SH2B1: variants seen among roughly 807,000 people sequenced by gnomAD.
SH2B1 encodes SH2B adapter protein 1.
SH2B1 carries 15 observed loss-of-function variants against 62.6 expected under a neutral mutation model. The ratio of observed to expected loss-of-function variants is 0.24; its 90% CI spans 0.16 to 0.37. The LOEUF is 0.37. Among genes scored for constraint, SH2B1 ranks in the 10% least tolerant of loss-of-function variants. The probability of loss-of-function intolerance (pLI) is 1.00; values close to 1 mark genes in which losing one functional copy is unlikely to be tolerated. For synonymous variants in SH2B1, 443 were observed against 438.0 expected (o/e 1.01, Z -0.14); for missense variants, 925 against 1,015.6 (o/e 0.91, Z 1.21).
At chr16:28,848,425 G>A (rs894523488) in intron 1 of SH2B1, among the ~76,000 whole-genome samples, 1 of 151,824 alleles carries the variant, frequency 6.6e-6, no homozygotes, top group Non-Finnish European at 1.5e-5. Flanking sequence ...GCGACACAGC[G>A]AGACTCCGTC....
chr16:28,867,097 C>T, intron 1 of SH2B1, 64 bp downstream of exon 1: 1 of 1,590,812 alleles, frequency 6.3e-7, no homozygotes, highest in East Asian at 2.2e-5. Context: ...TGGTCACAGC[C>T]CTGCAGATAA....
At chr16:28,862,800 T>G (rs919822416), upstream of SH2B1, 2 of 146,116 alleles carry the variant, frequency 1.4e-5, no homozygotes, top group African/African-American at 5.1e-5. Context: ...GTATTTTTAG[T>G]ACAGACGGGG....
At chr16:28,869,581 C>T (rs909879398) in intron 4 of SH2B1, among the ~76,000 whole-genome samples, 198 bp downstream of exon 4, 3 of 152,160 alleles carry the variant, frequency 2.0e-5, no homozygotes, top group Non-Finnish European at 2.9e-5. Context: ...CATGACCCCA[C>T]GCAGGCCCCA....
chr16:28,853,678 T>C (rs1486784895), intron 1 of SH2B1, among the ~76,000 whole-genome samples: 9 of 151,548 alleles, frequency 5.9e-5, no homozygotes, highest in Admixed American at 5.9e-4. Flanking sequence ...ACATCCATTC[T>C]CCGTGCAGCA....
chr16:28,866,269 G>A lies in SH2B1; in HGVS notation c.175G>A (p.Gly59Arg), dbSNP rs759750417. ...LASHPQYAGP[G>R]AEAAFSRRFA... ...CTCCCACCCCCAATATGCGGGGCCC[G>A]GGGCCGAGGCTGCCTTCTCCCGCCG... Residue 59 changes from glycine (G) to arginine (R), a missense_variant, in exon 1 of 8, where the codon GGG becomes AGG. Gly to Arg is a moderately radical substitution (Grantham distance 125). This residue lies in a region of SH2B1 where 683 missense variants were observed against 704.0 expected (regional missense o/e 0.97). Transcript: ENST00000684370. The surrounding 1 kb of genome is among the most constrained non-coding windows in gnomAD (Gnocchi z 6.3). The A allele has an allele frequency of 1.2e-5, 20 of 1,610,280 alleles. No homozygotes were observed. Among genetic ancestry groups the A allele is most frequent in the East Asian group, 6.7e-5 (3 of 44,836 alleles).
Position 28,872,664 on chromosome 16 carries a change from T to C in SH2B1, c.1856T>C (p.Val619Ala), listed in dbSNP as rs1350736878. ...TTGGAGTCGGGAGGCTCCAGTGATGTTGTCCTTGTCAGCTATGTCCCATCC... is the reference window on the plus strand; with the variant it reads ...TTGGAGTCGGGAGGCTCCAGTGATGCTGTCCTTGTCAGCTATGTCCCATCC... ...IPLESGGSSD[V>A]VLVSYVPSSQ... The change falls in exon 7 of 8, where the codon GTT becomes GCT. Residue 619 changes from valine to alanine, a missense_variant. Val to Ala is a moderately conservative substitution (Grantham distance 64, BLOSUM62 0). Around this residue, in one of 3 missense-constraint regions of SH2B1, gnomAD observed 185 missense variants for 189.5 expected, o/e 0.98. Transcript: ENST00000684370. The surrounding 1 kb of genome is among the most constrained non-coding windows in gnomAD (Gnocchi z 5.3). 6.2e-7 allele frequency: 1 copy of C among 1,614,110 alleles called. No homozygotes were observed. Among genetic ancestry groups the C allele is most frequent in the Non-Finnish European group, 8.5e-7 (1 of 1,179,996 alleles).
chr16:28,873,167 C>T lies in SH2B1; in HGVS notation c.1898-280C>T, dbSNP rs1331598113. 6.4e-7 allele frequency: 1 copy of T among 1,558,848 alleles called. No individual in the cohort carries two copies. ...TCTGTCCCCACGTTGCCCCTCCCCC[C>T]AGGCCGGGAGCAGGCTGGGAGCCAT... On this transcript the variant is annotated intron_variant, in intron 7 of 7. Transcript: ENST00000684370. The surrounding 1 kb of genome is among the most constrained non-coding windows in gnomAD (Gnocchi z 4.2).
At position 28,864,443 on chromosome 16, in the gene SH2B1, G is replaced by A. The variant is rs1962575499; in HGVS notation, c.-1652G>A. ...GCTGGAGATTGGTTTGCACTTCTTG[G>A]CTGGGTTCCCCCGTGCTCCATGACT... On this transcript the variant is annotated 5_prime_UTR_variant, in exon 1 of 8. Transcript: ENST00000684370. 1.0e-6 allele frequency: 1 copy of A among 986,674 alleles called. No individual in the cohort carries two copies. Among genetic ancestry groups the A allele is most frequent in the Non-Finnish European group, 1.2e-6 (1 of 830,648 alleles). The allele number at this position is 986,674 out of a possible 1,614,324, so 61.1% of individuals were successfully genotyped here. A position where few individuals can be genotyped will look rare whatever the true frequency, so the allele number is the denominator to read the frequency against.
intron 1 of SH2B1, among the ~76,000 whole-genome samples, chr16:28,850,140 G>A (rs1377085900): frequency 1.3e-5 from 2 of 152,200 alleles, no homozygotes; most frequent in Non-Finnish European, 2.9e-5. Context: ...GCTGGCTTAA[G>A]CAGAGGAGGG....
chr16:28,863,546 G>T, upstream of SH2B1: 2 of 833,268 alleles, frequency 2.4e-6, no homozygotes, highest in Non-Finnish European at 1.8e-6. Context: ...CGGGCCCTGG[G>T]ACTCTATCCC....
At position 28,873,823 on chromosome 16, in the gene SH2B1, C is replaced by T; in HGVS notation, c.*3C>T. 7.0e-7 allele frequency: 1 copy of T among 1,430,290 alleles called. No individual in the cohort carries two copies. The highest frequency in any genetic ancestry group is 9.1e-7 in the Non-Finnish European group (1 of 1,093,906). The allele number at this position is 1,430,290 out of a possible 1,614,324, so 88.6% of individuals were successfully genotyped here. A position where few individuals can be genotyped will look rare whatever the true frequency, so the allele number is the denominator to read the frequency against. On this transcript the variant is annotated 3_prime_UTR_variant, in exon 8 of 8. Transcript: ENST00000684370. This position sits in a 1 kb window ranked among gnomAD's most constrained non-coding sequence, Gnocchi z 4.2. ...ACAACCAGTACTCCTTCGTGTGAGC[C>T]AACCCCACCCGCTCCACCCTTTTTA...
In SH2B1 at chr16:28,853,025, CAT is replaced by C. The variant is rs1156719021; in HGVS notation, c.-301+6205_-301+6206del. Among the ~76,000 whole-genome samples the C allele has an allele frequency of 7.1e-4, 38 of 53,602 alleles. 3 individuals are homozygous for C. Among genetic ancestry groups the C allele is most frequent in the African/African-American group, 3.1e-3 (33 of 10,738 alleles). 35.2% of individuals were successfully genotyped at this position (53,602 alleles called of 152,430 possible). A position where few individuals can be genotyped will look rare whatever the true frequency, so the allele number is the denominator to read the frequency against. ...ATGTACATATATATTTATATATGTA[CAT>C]ATATATGTACATATATATTTATATA... On this transcript the variant is annotated intron_variant, in intron 1 of 10. Coordinates refer to the SH2B1 transcript ENST00000322610.
intron 1 of SH2B1, among the ~76,000 whole-genome samples, chr16:28,851,509 G>C (rs1962098660): frequency 6.7e-6 from 1 of 149,556 alleles, no homozygotes; most frequent in South Asian, 2.1e-4. Context: ...ACCCAGGCTG[G>C]AGTGCAATGG....
Position 28,852,360 on chromosome 16 carries a change from ATATT to A in SH2B1, c.-301+5537_-301+5540del, listed in dbSNP as rs1478928066. Among the ~76,000 whole-genome samples, 7 of 90,690 alleles carry A rather than the reference ATATT, an allele frequency of 7.7e-5. 2 individuals are homozygous for A. Among genetic ancestry groups the A allele is most frequent in the Admixed American group, 1.7e-4 (1 of 5,894 alleles). 59.5% of individuals were successfully genotyped at this position (90,690 alleles called of 152,430 possible). A position where few individuals can be genotyped will look rare whatever the true frequency, so the allele number is the denominator to read the frequency against. On this transcript the variant is annotated intron_variant, in intron 1 of 10. Transcript: ENST00000322610. ...TATATTTACATATATATTTATATAT[ATATT>A]TATATATATTTACATATATTTATAT...
At chr16:28,847,263 ATGTT>A (rs137981611) in intron 1 of SH2B1, among the ~76,000 whole-genome samples, 8,074 of 152,232 alleles carry the variant, frequency 0.053, 692 homozygotes, top group African/African-American at 0.18. Flanking sequence ...CATGCAGTGA[ATGTT>A]GAATGAATGG....
rs143818034 is a variant in SH2B1 at position 28,868,932 on chromosome 16, A to G, written c.1042-74A>G. On this transcript the variant is annotated intron_variant, in intron 2 of 7. Transcript: ENST00000684370. ...TCTTGTTTGTAGACAGCCTGCATAC[A>G]TTGTTCTCATTAGGCATGGATTAAG... The G allele has an allele frequency of 1.1e-5, 12 of 1,126,582 alleles. No homozygotes were observed. The East Asian group carries it at 2.6e-4, about 24-fold the overall frequency. 69.8% of individuals were successfully genotyped at this position (1,126,582 alleles called of 1,614,324 possible). A position where few individuals can be genotyped will look rare whatever the true frequency, so the allele number is the denominator to read the frequency against.
Position 28,872,230 on chromosome 16 carries a change from G to C in SH2B1, c.1554G>C (p.Gly518=). Reference sequence around the variant, plus strand: ...AGGGGGAGCCAGAGGGCGGTGAGGGGGACCAGCCCCTCTCAGGGTATCCTT... The same window carrying C: ...AGGGGGAGCCAGAGGGCGGTGAGGGCGACCAGCCCCTCTCAGGGTATCCTT... ...LFQGEPEGGE[G]DQPLSGYPWF... The change falls in exon 6 of 8, where the codon GGG becomes GGC. Residue 518 remains glycine (G), a synonymous_variant. Coordinates refer to ENST00000684370, the MANE Select transcript of SH2B1 (RefSeq NM_001387430.1). The surrounding 1 kb of genome is among the most constrained non-coding windows in gnomAD (Gnocchi z 5.3). The C allele has an allele frequency of 6.2e-7, 1 of 1,613,878 alleles. No homozygotes were observed.
intron 1 of SH2B1, among the ~76,000 whole-genome samples, chr16:28,854,244 T>C (rs997919841): frequency 1.3e-5 from 2 of 151,926 alleles, no homozygotes; most frequent in African/African-American, 4.8e-5. Context: ...GAGGCTGCAA[T>C]GAGCCGTGAT....
Position 28,867,313 on chromosome 16 carries a change from T to G in SH2B1, c.940-18T>G, listed in dbSNP as rs774437479. On this transcript the variant is annotated intron_variant, in intron 1 of 7. Coordinates refer to ENST00000684370, the MANE Select transcript of SH2B1 (RefSeq NM_001387430.1). ...TTGGAAACCAAACACCCAGATCTGT[T>G]TCTTTCTCCTGACTTAGGCCTCTCG... is the stretch of plus-strand genomic sequence containing the variant. 6.3e-7 allele frequency: 1 copy of G among 1,592,260 alleles called. No homozygotes were observed. Among genetic ancestry groups the G allele is most frequent in the South Asian group, 1.1e-5 (1 of 90,570 alleles).
Sources: gnomAD v4.1 joint callset for allele counts (sites outside exome capture counted in the v4.1 genomes callset) on GRCh38, gnomAD v4.1.1 for gene constraint, gnomAD v4.1.1 regional missense constraint, Gnocchi (gnomAD v3.1) non-coding constraint, MANE v1.5 for transcripts, NCBI Gene and HGNC (gene_info 2026-07-23, HGNC 2026-07-21) for gene names.